The following GALNT13 variants were observed in gnomAD, a reference collection of about 807,000 sequenced individuals.
The protein encoded by GALNT13 is polypeptide N-acetylgalactosaminyltransferase 13.
Under a neutral mutation model 64.2 loss-of-function variants are expected in GALNT13, and 28 were observed. The observed-to-expected ratio is 0.44, with a 90% CI of 0.32 to 0.60. The LOEUF is 0.60. GALNT13 is among the 20% of genes least tolerant of loss of function. GALNT13 has a pLI of 0.05. For synonymous variants in GALNT13, 214 were observed against 224.6 expected (o/e 0.95, Z 0.42); for missense variants, 577 against 669.8 (o/e 0.86, Z 1.53).
chr2:154,138,889 AC>A (rs1330955421), intron 3 of GALNT13, among the ~76,000 whole-genome samples: 2 of 152,108 alleles, frequency 1.3e-5, no homozygotes, highest in Non-Finnish European at 1.5e-5. Context: ...AGAAAAATAC[AC>A]CTTCTCATAA....
At chr2:154,266,781 A>G (rs905375247) in intron 8 of GALNT13, among the ~76,000 whole-genome samples, 1 of 151,738 alleles carries the variant, frequency 6.6e-6, no homozygotes, top group Non-Finnish European at 1.5e-5. Context: ...TATTGTATTT[A>G]CTTAACTATT....
intron 9 of GALNT13, among the ~76,000 whole-genome samples, chr2:154,325,484 T>C (rs1178396800): frequency 2.0e-5 from 3 of 152,186 alleles, no homozygotes; most frequent in African/African-American, 7.2e-5. Context: ...CTACTGCTAC[T>C]GGGGTACTAC....
In GALNT13 at chr2:153,941,729, A is replaced by G. The variant is rs79655977; in HGVS notation, c.-104-2665A>G. 4.6e-3 allele frequency among the ~76,000 whole-genome samples: 696 copies of G among 152,268 alleles called. 11 individuals carry two copies. Among genetic ancestry groups the G allele is most frequent in the East Asian group, 0.017 (89 of 5,188 alleles). On this transcript the variant is annotated intron_variant, in intron 2 of 12. Transcript: ENST00000392825. ...ATTATTATTTTATAAGTGCCAGGGG[A>G]TTAGATTTCTGTGAATGATAAAGTT...
At chr2:154,189,669 G>T (rs942505050) in intron 4 of GALNT13, among the ~76,000 whole-genome samples, 1 of 151,168 alleles carries the variant, frequency 6.6e-6, no homozygotes, top group African/African-American at 2.4e-5. Flanking sequence ...CAAATTAGAG[G>T]TTTACATAGA....
At chr2:154,097,958 C>T (rs1307104395) in intron 3 of GALNT13, among the ~76,000 whole-genome samples, 1 of 151,598 alleles carries the variant, frequency 6.6e-6, no homozygotes, top group Non-Finnish European at 1.5e-5. Flanking sequence ...GCTGAGAAAT[C>T]TGGTGCTCAG....
chr2:153,833,719 C>T, the GALNT13 span, among the ~76,000 whole-genome samples: 7 of 152,166 alleles, frequency 4.6e-5, no homozygotes, highest in East Asian at 5.8e-4. Flanking sequence ...CTACTTTATA[C>T]GAAACAAGCA....
intron 9 of GALNT13, among the ~76,000 whole-genome samples, chr2:154,328,615 A>G (rs1695002448): frequency 6.6e-6 from 1 of 152,042 alleles, no homozygotes; most frequent in African/African-American, 2.4e-5. Context: ...AAAATGCTCC[A>G]CCCTACATCT....
the GALNT13 span, among the ~76,000 whole-genome samples, chr2:153,494,325 C>T: frequency 6.6e-6 from 1 of 151,904 alleles, no homozygotes; most frequent in Non-Finnish European, 1.5e-5. Flanking sequence ...ATCAAAATGA[C>T]CTAGAATACT....
At chr2:154,152,363 A>AT (rs1558990308) in intron 4 of GALNT13, among the ~76,000 whole-genome samples, 3 of 151,678 alleles carry the variant, frequency 2.0e-5, no homozygotes, top group Admixed American at 1.3e-4. Context: ...TGCCCTTAAC[A>AT]TTTTTTCCTT....
the GALNT13 span, among the ~76,000 whole-genome samples, chr2:153,596,158 T>C: frequency 1.3e-5 from 2 of 152,196 alleles, no homozygotes; most frequent in East Asian, 1.9e-4. Context: ...TCAGATTTCA[T>C]AGGCTTCTCA....
At chr2:153,809,788 G>T in the GALNT13 span, among the ~76,000 whole-genome samples, 1 of 151,968 alleles carries the variant, frequency 6.6e-6, no homozygotes, top group East Asian at 1.9e-4. Context: ...TGGATGACTT[G>T]TCTCTATACT....
At chr2:153,319,859 CAG>C in the GALNT13 span, among the ~76,000 whole-genome samples, 5 of 151,916 alleles carry the variant, frequency 3.3e-5, no homozygotes, top group African/African-American at 7.3e-5. Flanking sequence ...TGCAAGGAAT[CAG>C]GGGAGAGGGA....
At chr2:153,849,748 T>C in the GALNT13 span, among the ~76,000 whole-genome samples, 1 of 152,000 alleles carries the variant, frequency 6.6e-6, no homozygotes, top group African/African-American at 2.4e-5. Flanking sequence ...GGCAGAGATA[T>C]GGAGAGTAGA....
At chr2:154,168,883 G>A (rs1451067196) in intron 4 of GALNT13, among the ~76,000 whole-genome samples, 1 of 151,796 alleles carries the variant, frequency 6.6e-6, no homozygotes, top group Non-Finnish European at 1.5e-5. Context: ...GAGATTTATT[G>A]GCTAATGGTA....
At chr2:153,742,155 C>T in the GALNT13 span, among the ~76,000 whole-genome samples, 2 of 152,096 alleles carry the variant, frequency 1.3e-5, no homozygotes, top group Non-Finnish European at 2.9e-5. Context: ...CTCTGTAAAT[C>T]ACCATTCTAC....
At chr2:154,110,152 T>G (rs1268452953) in intron 3 of GALNT13, among the ~76,000 whole-genome samples, 3 of 151,348 alleles carry the variant, frequency 2.0e-5, no homozygotes, top group African/African-American at 7.3e-5. Flanking sequence ...TTGATATGTT[T>G]GCATTTTGTA....
chr2:153,537,409 GTTTATAA>G, the GALNT13 span, among the ~76,000 whole-genome samples: 199 of 152,300 alleles, frequency 1.3e-3, 1 homozygote, highest in Non-Finnish European at 1.7e-3. Context: ...GCTCCAAGAT[GTTTATAA>G]GTATAGATTC....
intron 2 of GALNT13, among the ~76,000 whole-genome samples, chr2:153,921,795 G>T (rs2088229464): frequency 1.3e-5 from 2 of 151,878 alleles, no homozygotes. Flanking sequence ...TTGACACATG[G>T]ACAAACAACT....
At chr2:153,596,085 G>A in the GALNT13 span, among the ~76,000 whole-genome samples, 16 of 152,180 alleles carry the variant, frequency 1.1e-4, no homozygotes, top group Non-Finnish European at 1.9e-4. Context: ...TCACAAGGCT[G>A]GCAGTTGAAG....
Sources: allele counts gnomAD v4.1 joint callset (sites outside exome capture counted in the v4.1 genomes callset), GRCh38; gene constraint gnomAD v4.1.1; transcripts MANE v1.5; gene names NCBI Gene and HGNC (gene_info 2026-07-23, HGNC 2026-07-21).